Variants in EEF1A2 observed in about 807,000 individuals in gnomAD.
EEF1A2 encodes elongation factor 1-alpha 2.
EEF1A2 carries 5 observed loss-of-function variants against 39.3 expected under a neutral mutation model. The ratio of observed to expected loss-of-function variants is 0.13; its 90% CI spans 0.07 to 0.27. EEF1A2 has a LOEUF of 0.27. Among genes scored for constraint, EEF1A2 ranks in the 10% least tolerant of loss-of-function variants. The pLI is 1.00. For missense variants in EEF1A2, 218 were observed against 681.4 expected (o/e 0.32, Z 7.57); for synonymous variants, 287 against 293.7 (o/e 0.98, Z 0.23).
Position 63,490,750 on chromosome 20 carries a change from G to C in EEF1A2, c.773-15C>G. On this transcript the variant is annotated splice_polypyrimidine_tract_variant and intron_variant, in intron 5 of 7. Coordinates refer to ENST00000217182, the MANE Select transcript of EEF1A2 (RefSeq NM_001958.5). ...CGTGCCAATGCCTGCAGAGGGGAGGGGGTGTGAGGGGAAGGTGGGGCCCGA... is the reference window on the plus strand; with the variant it reads ...CGTGCCAATGCCTGCAGAGGGGAGGCGGTGTGAGGGGAAGGTGGGGCCCGA... The C allele has an allele frequency of 6.3e-7, 1 of 1,584,174 alleles. No homozygotes were observed. The highest frequency in any genetic ancestry group is 8.6e-7 in the Non-Finnish European group (1 of 1,166,020).
chr20:63,493,058 G>T lies in EEF1A2; in HGVS notation c.772+79C>A, dbSNP rs568181418. On this transcript the variant is annotated intron_variant, in intron 5 of 7. Transcript: ENST00000217182. Reference sequence around the variant, plus strand: ...GAGAGATTGGAGACAGCCCAGTCTTGAGATGCCTTGTAGGGGCCCCTGGTC... The same window carrying T: ...GAGAGATTGGAGACAGCCCAGTCTTTAGATGCCTTGTAGGGGCCCCTGGTC... The T allele has an allele frequency of 7.9e-5, 117 of 1,490,090 alleles. 2 individuals are homozygous for T. In the South Asian group the frequency reaches 1.5e-3, roughly 19 times the overall value. 92.3% of individuals were successfully genotyped at this position (1,490,090 alleles called of 1,614,324 possible). A position where few individuals can be genotyped will look rare whatever the true frequency, so the allele number is the denominator to read the frequency against.
Position 63,497,489 on chromosome 20 carries a change from C to G in EEF1A2, c.144+131G>C. The G allele has an allele frequency of 7.1e-7, 1 of 1,418,328 alleles. No homozygotes were observed. The highest frequency in any genetic ancestry group is 9.4e-7 in the Non-Finnish European group (1 of 1,058,800). The allele number at this position is 1,418,328 out of a possible 1,614,324, so 87.9% of individuals were successfully genotyped here. Reference sequence around the variant, plus strand: ...CCTCTGAGGCCTGAGTGCCCCACAGCGGGGGTCCCTCCTGCCCTGGAGGAG... The same window carrying G: ...CCTCTGAGGCCTGAGTGCCCCACAGGGGGGGTCCCTCCTGCCCTGGAGGAG... On this transcript the variant is annotated intron_variant, in intron 2 of 7. Transcript: ENST00000217182. The surrounding 1 kb of genome is among the most constrained non-coding windows in gnomAD (Gnocchi z 7.3).
chr20:63,493,045 A>G, intron 5 of EEF1A2, 92 bp downstream of exon 5: 3 of 1,452,078 alleles, frequency 2.1e-6, no homozygotes, highest in Non-Finnish European at 2.7e-6. Context: ...GAGATTGGAG[A>G]CAGCCCAGTC....
At chr20:63,495,577 T>C (rs1286452508) in intron 3 of EEF1A2, among the ~76,000 whole-genome samples, 2 of 152,176 alleles carry the variant, frequency 1.3e-5, no homozygotes, top group Non-Finnish European at 2.9e-5. Flanking sequence ...AACCCCTCCA[T>C]GTATGAAGGT....
At chr20:63,492,364 GGAT>G (rs2082389042) in intron 5 of EEF1A2, among the ~76,000 whole-genome samples, 1 of 148,310 alleles carries the variant, frequency 6.7e-6, no homozygotes, top group African/African-American at 2.5e-5. Flanking sequence ...ATAGATGGAT[GGAT>G]AGAGAGAAGG....
At position 63,495,008 on chromosome 20, in the gene EEF1A2, C is replaced by A. The variant is rs2082410423; in HGVS notation, c.418G>T (p.Ala140Ser). 4 of 1,612,764 alleles carry A rather than the reference C, an allele frequency of 2.5e-6. No individual in the cohort carries two copies. The highest frequency in any genetic ancestry group is 3.4e-6 in the Non-Finnish European group (4 of 1,179,958). Reference sequence around the variant, plus strand: ...AGCTGCTTCACACCCAGCGTGTAGGCCAGCAGGGCATGCTCCCGCGTCTGC... The same window carrying A: ...AGCTGCTTCACACCCAGCGTGTAGGACAGCAGGGCATGCTCCCGCGTCTGC... ...NGQTREHALL[A>S]YTLGVKQLIV... The change falls in exon 4 of 8, where the codon GCC becomes TCC. Residue 140 changes from alanine (A) to serine (S), a missense_variant. By Grantham distance (99) the Ala-to-Ser change is moderately conservative (BLOSUM62 1). Around this residue, in one of 4 missense-constraint regions of EEF1A2, gnomAD observed 79 missense variants for 172.3 expected, o/e 0.46. Coordinates refer to ENST00000217182, the MANE Select transcript of EEF1A2 (RefSeq NM_001958.5).
At chr20:63,494,701 C>T (rs1409717956) in intron 4 of EEF1A2, 104 bp downstream of exon 4, 64 of 1,431,112 alleles carry the variant, frequency 4.5e-5, no homozygotes, top group African/African-American at 7.1e-5. Flanking sequence ...CTGCATTTCC[C>T]GGGGACAGGC....
At chr20:63,493,973 C>T (rs1232689314) in intron 4 of EEF1A2, among the ~76,000 whole-genome samples, 1 of 152,240 alleles carries the variant, frequency 6.6e-6, no homozygotes, top group Non-Finnish European at 1.5e-5. Context: ...CCACATGATA[C>T]CCCATGAGGA....
intron 5 of EEF1A2, among the ~76,000 whole-genome samples, chr20:63,491,970 A>ATGGGGAGG (rs1568995709): frequency 2.0e-5 from 2 of 100,130 alleles, no homozygotes; most frequent in African/African-American, 9.9e-5. Context: ...GGATGGATGG[A>ATGGGGAGG]TGGATGGATG....
intron 3 of EEF1A2, 127 bp downstream of exon 3, chr20:63,495,729 T>A: frequency 5.6e-6 from 7 of 1,246,052 alleles, no homozygotes; most frequent in Non-Finnish European, 7.7e-6. Flanking sequence ...GTGGCCCAGG[T>A]GAGGGGTCCC....
At chr20:63,493,718 G>T (rs550356179) in intron 4 of EEF1A2, among the ~76,000 whole-genome samples, 1 of 152,322 alleles carries the variant, frequency 6.6e-6, no homozygotes, top group East Asian at 1.9e-4. Flanking sequence ...TCTGGACACC[G>T]TGCTGCCTCC....
rs1285464673 is a variant in EEF1A2 at position 63,488,219 on chromosome 20, C to T, written c.*79G>A. ...CGGGGCGCCGGACCGGCGCGCGGGG[C>T]GGGGGCGGGGCGGGGGCCCGGGCCC... On this transcript the variant is annotated 3_prime_UTR_variant, in exon 8 of 8. Coordinates refer to ENST00000217182, the MANE Select transcript of EEF1A2 (RefSeq NM_001958.5). 42 of 764,462 alleles carry T rather than the reference C, an allele frequency of 5.5e-5. No homozygotes were observed. Among genetic ancestry groups the T allele is most frequent in the African/African-American group, 1.4e-4 (2 of 14,652 alleles). 47.4% of individuals were successfully genotyped at this position (764,462 alleles called of 1,614,324 possible). A position where few individuals can be genotyped will look rare whatever the true frequency, so the allele number is the denominator to read the frequency against.
Position 63,497,857 on chromosome 20 carries a change from G to A in EEF1A2, c.-71-23C>T. Reference sequence around the variant, plus strand: ...ATTCTGTGGGGCCAGTGGTGGTGGGGAGACCGGTGATGGGGAGCCCCAGGG... The same window carrying A: ...ATTCTGTGGGGCCAGTGGTGGTGGGAAGACCGGTGATGGGGAGCCCCAGGG... On this transcript the variant is annotated intron_variant, in intron 1 of 7. Coordinates refer to ENST00000217182, the MANE Select transcript of EEF1A2 (RefSeq NM_001958.5). The surrounding 1 kb of genome is among the most constrained non-coding windows in gnomAD (Gnocchi z 7.3). The A allele has an allele frequency of 6.6e-7, 1 of 1,512,748 alleles. No homozygotes were observed. Among genetic ancestry groups the A allele is most frequent in the Non-Finnish European group, 8.9e-7 (1 of 1,122,276 alleles). The allele number at this position is 1,512,748 out of a possible 1,614,324, so 93.7% of individuals were successfully genotyped here.
chr20:63,495,242 A>G, intron 3 of EEF1A2, 141 bp from the exon 4 acceptor site: 1 of 1,272,318 alleles, frequency 7.9e-7, no homozygotes, highest in Non-Finnish European at 1.1e-6. Context: ...GGAGGGAGGC[A>G]TGGGGGTCCC....
intron 2 of EEF1A2, 50 bp from the exon 3 acceptor site, chr20:63,496,085 T>C (rs1162854556): frequency 6.3e-7 from 1 of 1,598,968 alleles, no homozygotes; most frequent in Non-Finnish European, 8.5e-7. Context: ...GACCCAGGAG[T>C]CCCTGGTGGT....
chr20:63,492,404 G>C (rs2082389777), intron 5 of EEF1A2, among the ~76,000 whole-genome samples: 1 of 149,186 alleles, frequency 6.7e-6, no homozygotes, highest in African/African-American at 2.4e-5. Context: ...ATGGATGGAT[G>C]GATGGATGGA....
chr20:63,493,313 C>A (rs373075094), intron 4 of EEF1A2, 26 bp from the exon 5 acceptor site: 4 of 1,480,792 alleles, frequency 2.7e-6, no homozygotes, highest in Non-Finnish European at 3.6e-6. Context: ...AAAATCAATC[C>A]GTTAAGAGAC....
intron 5 of EEF1A2, 26 bp downstream of exon 5, chr20:63,493,111 A>C: frequency 6.5e-7 from 1 of 1,542,382 alleles, no homozygotes; most frequent in African/African-American, 1.4e-5. Flanking sequence ...GCCAGGCAGG[A>C]GCTCCAGCAC....
Position 63,488,979 on chromosome 20 carries a change from G to A in EEF1A2, c.1203C>T (p.Ile401=), listed in dbSNP as rs758653621. 7 of 1,612,584 alleles carry A rather than the reference G, an allele frequency of 4.3e-6. No individual in the cohort carries two copies. The highest frequency in any genetic ancestry group is 5.9e-6 in the Non-Finnish European group (7 of 1,179,922). The change falls in exon 7 of 8, where the codon ATC becomes ATT. Residue 401 remains isoleucine, a synonymous_variant. Coordinates refer to ENST00000217182, the MANE Select transcript of EEF1A2 (RefSeq NM_001958.5). ...PKSLKSGDAA[I]VEMVPGKPMC... ...TGGGCTTTCCCGGCACCATCTCCAC[G>A]ATGGCCGCGTCTCCAGACTTCAGGG...
Sources: gnomAD v4.1 joint callset for allele counts (sites outside exome capture counted in the v4.1 genomes callset) on GRCh38, gnomAD v4.1.1 for gene constraint, gnomAD v4.1.1 regional missense constraint, Gnocchi (gnomAD v3.1) non-coding constraint, MANE v1.5 for transcripts, NCBI Gene and HGNC (gene_info 2026-07-23, HGNC 2026-07-21) for gene names.